TRAPPC9: variants seen among roughly 807,000 people sequenced by gnomAD.
The protein encoded by TRAPPC9 is IKK2 binding protein.
A neutral mutation model predicts 124.0 loss-of-function variants in TRAPPC9; 83 were observed. That is an observed-to-expected ratio of 0.67 (90% confidence interval 0.56 to 0.80). The LOEUF is 0.80. TRAPPC9 is among the 30% of genes least tolerant of loss of function. The pLI is 0.00. For synonymous variants in TRAPPC9, 638 were observed against 617.5 expected (o/e 1.03, Z -0.49); for missense variants, 1,302 against 1,508.3 (o/e 0.86, Z 2.27).
intron 15 of TRAPPC9, among the ~76,000 whole-genome samples, chr8:140,255,853 T>G (rs924532643): frequency 2.1e-4 from 32 of 152,022 alleles, no homozygotes; most frequent in African/African-American, 7.5e-4. Context: ...GCCACTACAC[T>G]CCAGCCTGGG....
chr8:139,946,098 G>T (rs191936446), intron 19 of TRAPPC9, among the ~76,000 whole-genome samples: 1 of 152,186 alleles, frequency 6.6e-6, no homozygotes, highest in Non-Finnish European at 1.5e-5. Flanking sequence ...ATCCCCAAGG[G>T]GGGAGGTGGA....
At chr8:139,967,008 G>T (rs371536405) in intron 19 of TRAPPC9, among the ~76,000 whole-genome samples, 2 of 152,294 alleles carry the variant, frequency 1.3e-5, no homozygotes, top group African/African-American at 4.8e-5. Flanking sequence ...ACGTAAAGAC[G>T]AAGTTTTAAT....
intron 9 of TRAPPC9, among the ~76,000 whole-genome samples, chr8:140,341,257 T>A (rs1362400246): frequency 6.6e-6 from 1 of 152,122 alleles, no homozygotes; most frequent in Non-Finnish European, 1.5e-5. Context: ...ACAGGATGAA[T>A]CCATCCTGAG....
At chr8:139,744,491 C>A (rs1333543995) in intron 21 of TRAPPC9, among the ~76,000 whole-genome samples, 9 of 152,292 alleles carry the variant, frequency 5.9e-5, no homozygotes, top group African/African-American at 9.6e-5. Context: ...TGCTCCGTCT[C>A]CGTGTCCCAG....
intron 17 of TRAPPC9, among the ~76,000 whole-genome samples, chr8:140,155,327 T>C (rs1245315579): frequency 1.3e-5 from 2 of 152,028 alleles, no homozygotes; most frequent in Non-Finnish European, 2.9e-5. Flanking sequence ...CCAGGACCCA[T>C]GAGTGGAAGC....
At chr8:139,747,563 G>A (rs1464228659) in intron 21 of TRAPPC9, among the ~76,000 whole-genome samples, 1 of 100,292 alleles carries the variant, frequency 1.0e-5, no homozygotes, top group Non-Finnish European at 2.0e-5. Flanking sequence ...GCGTACAGGG[G>A]TCAGAGTGGG....
chr8:140,108,475 A>G (rs1246477079), intron 17 of TRAPPC9, among the ~76,000 whole-genome samples: 3 of 152,240 alleles, frequency 2.0e-5, no homozygotes, highest in Non-Finnish European at 4.4e-5. Flanking sequence ...CCAAGTGTCC[A>G]TTTGACTTTA....
chr8:139,903,299 T>C (rs1399203568), intron 20 of TRAPPC9, among the ~76,000 whole-genome samples: 1 of 152,080 alleles, frequency 6.6e-6, no homozygotes, highest in African/African-American at 2.4e-5. Flanking sequence ...GCAGCCAAAT[T>C]GGTTAAAAAT....
chr8:140,393,930 G>A (rs548125047), intron 7 of TRAPPC9, among the ~76,000 whole-genome samples: 3 of 152,114 alleles, frequency 2.0e-5, no homozygotes, highest in African/African-American at 7.2e-5. Context: ...AAAACTCACA[G>A]GGCCACGGAA....
intron 2 of TRAPPC9, among the ~76,000 whole-genome samples, chr8:140,443,370 A>G (rs1349643598): frequency 6.6e-6 from 1 of 151,552 alleles, no homozygotes; most frequent in Admixed American, 6.6e-5. Context: ...CGGGAGGCGG[A>G]GCTTGCAGTG....
intron 17 of TRAPPC9, among the ~76,000 whole-genome samples, chr8:140,159,932 C>A (rs889904353): frequency 6.6e-6 from 1 of 152,164 alleles, no homozygotes; most frequent in Non-Finnish European, 1.5e-5. Context: ...TCAGAATCTA[C>A]AACGAACTTA....
At chr8:140,314,657 G>A (rs555001632) in intron 9 of TRAPPC9, among the ~76,000 whole-genome samples, 2 of 152,080 alleles carry the variant, frequency 1.3e-5, no homozygotes, top group Admixed American at 6.5e-5. Flanking sequence ...TGAGACAAAC[G>A]TTTAAAAATT....
intron 19 of TRAPPC9, among the ~76,000 whole-genome samples, chr8:139,924,628 C>T (rs554954994): frequency 2.0e-5 from 3 of 152,306 alleles, no homozygotes; most frequent in Non-Finnish European, 4.4e-5. Flanking sequence ...GGATAAGCTC[C>T]AATACAGTCT....
chr8:140,392,022 G>A (rs1163025676), intron 7 of TRAPPC9, among the ~76,000 whole-genome samples: 8 of 80,618 alleles, frequency 9.9e-5, no homozygotes, highest in Non-Finnish European at 1.6e-4. Context: ...GTGAAACTCC[G>A]TCTCAAAAAA....
chr8:140,222,010 C>T (rs1448376266), intron 16 of TRAPPC9, among the ~76,000 whole-genome samples: 1 of 152,166 alleles, frequency 6.6e-6, no homozygotes, highest in East Asian at 1.9e-4. Context: ...TGAGTAAAAG[C>T]TGAGAGTGCA....
At chr8:140,381,224 G>C (rs1206546392) in intron 7 of TRAPPC9, among the ~76,000 whole-genome samples, 1 of 146,668 alleles carries the variant, frequency 6.8e-6, no homozygotes, top group Non-Finnish European at 1.5e-5. Flanking sequence ...AAAAAAAGAA[G>C]AAGAAAAGAA....
intron 6 of TRAPPC9, among the ~76,000 whole-genome samples, chr8:140,403,227 G>A (rs536391553): frequency 4.6e-5 from 7 of 152,152 alleles, no homozygotes; most frequent in East Asian, 3.9e-4. Flanking sequence ...TCAGGAGTTC[G>A]AGACCAGCCT....
chr8:140,071,748 G>A (rs1843168643), intron 17 of TRAPPC9, among the ~76,000 whole-genome samples: 1 of 152,204 alleles, frequency 6.6e-6, no homozygotes, highest in Admixed American at 6.5e-5. Flanking sequence ...CTCTGGACAA[G>A]CAGATACCAC....
Position 139,907,866 on chromosome 8 carries a change from G to A in TRAPPC9, c.2964+2281C>T, listed in dbSNP as rs1215178795. ...ATTAGAAGGCAGCATGTGCTGGGCG[G>A]GGACTGCAGGCTGGCAGACAAGCTA... On this transcript the variant is annotated intron_variant, in intron 20 of 22. Transcript: ENST00000438773. The surrounding 1 kb of genome is among the most constrained non-coding windows in gnomAD (Gnocchi z 4.7). 1.2e-4 allele frequency among the ~76,000 whole-genome samples: 18 copies of A among 152,242 alleles called. No individual in the cohort carries two copies. Among genetic ancestry groups the A allele is most frequent in the Non-Finnish European group, 5.9e-5 (4 of 68,044 alleles).
Sources: gnomAD v4.1 joint callset for allele counts (sites outside exome capture counted in the v4.1 genomes callset) on GRCh38, gnomAD v4.1.1 for gene constraint, Gnocchi (gnomAD v3.1) non-coding constraint, MANE v1.5 for transcripts, NCBI Gene and HGNC (gene_info 2026-07-23, HGNC 2026-07-21) for gene names.